The following KHDRBS2 variants were observed in gnomAD, a reference collection of about 807,000 sequenced individuals.
KHDRBS2 encodes the protein KH domain-containing, RNA-binding, signal transduction-associated protein 2.
Under a neutral mutation model 44.3 loss-of-function variants are expected in KHDRBS2, and 26 were observed. The observed-to-expected ratio is 0.59, with a 90% CI of 0.43 to 0.81. The LOEUF (loss-of-function observed/expected upper bound fraction) is 0.81. Among genes scored for constraint, KHDRBS2 ranks in the 40% least tolerant of loss-of-function variants. The pLI is 0.00. For missense variants in KHDRBS2, 476 were observed against 433.1 expected, an observed-to-expected ratio of 1.10 and a Z score of -0.88; for synonymous variants, 194 against 151.1, an observed-to-expected ratio of 1.28 and a Z score of -2.08.
intron 1 of KHDRBS2, among the ~76,000 whole-genome samples, chr6:62,264,415 G>A (rs1457406786): frequency 2.0e-5 from 3 of 151,586 alleles, no homozygotes; most frequent in East Asian, 1.9e-4. Context: ...CTATGTACTC[G>A]AATATAGCAG....
chr6:61,733,618 A>G (rs1475843055), intron 6 of KHDRBS2, among the ~76,000 whole-genome samples: 1 of 151,340 alleles, frequency 6.6e-6, no homozygotes, highest in East Asian at 1.9e-4. Flanking sequence ...AAAAAAAAAG[A>G]CTTTGTGTAC....
chr6:62,198,041 A>G (rs1319300468), intron 1 of KHDRBS2, among the ~76,000 whole-genome samples: 1 of 152,194 alleles, frequency 6.6e-6, no homozygotes, highest in Non-Finnish European at 1.5e-5. Flanking sequence ...GAAACCAATG[A>G]GAACAAAGAC....
chr6:61,942,478 G>GA (rs1276857382), intron 4 of KHDRBS2, among the ~76,000 whole-genome samples: 2 of 151,976 alleles, frequency 1.3e-5, no homozygotes, highest in Non-Finnish European at 2.9e-5. Flanking sequence ...AGATTAAGCA[G>GA]AAAATGAATG....
At chr6:61,653,955 C>G in the KHDRBS2 span, among the ~76,000 whole-genome samples, 1 of 151,940 alleles carries the variant, frequency 6.6e-6, no homozygotes, top group Non-Finnish European at 1.5e-5. Flanking sequence ...ACACACAACC[C>G]TACTTTGGCA....
intron 6 of KHDRBS2, among the ~76,000 whole-genome samples, chr6:61,844,038 T>C (rs1480748276): frequency 1.3e-5 from 2 of 152,214 alleles, no homozygotes; most frequent in Admixed American, 1.3e-4. Flanking sequence ...TTTTAAAATT[T>C]ATCCTATTGC....
intron 3 of KHDRBS2, among the ~76,000 whole-genome samples, chr6:62,030,688 T>A (rs1194237819): frequency 6.6e-6 from 1 of 152,106 alleles, no homozygotes; most frequent in East Asian, 1.9e-4. Flanking sequence ...ACATTAGTAC[T>A]TTCTAACTTT....
At chr6:61,607,779 C>T in the KHDRBS2 span, among the ~76,000 whole-genome samples, 2 of 152,092 alleles carry the variant, frequency 1.3e-5, no homozygotes, top group African/African-American at 2.4e-5. Flanking sequence ...CCTCCACCTC[C>T]TGGGCTCAAG....
the KHDRBS2 span, among the ~76,000 whole-genome samples, chr6:61,554,283 T>C: frequency 3.7e-4 from 57 of 152,170 alleles, 1 homozygote; most frequent in Admixed American, 3.7e-3. Context: ...TTTAAAATCT[T>C]TGTTGGTTTA....
chr6:62,160,307 G>A (rs975531876), intron 2 of KHDRBS2, among the ~76,000 whole-genome samples: 11 of 152,084 alleles, frequency 7.2e-5, no homozygotes, highest in East Asian at 1.9e-4. Context: ...CTTGAGTAGC[G>A]ATGGATGAAG....
rs114462029 is a variant in KHDRBS2, at chr6:62,228,097, G to A, written c.92-50785C>T. Reference sequence around the variant, plus strand: ...GTTTGTAATAATTTCAGAAAAAAATGGTACCAGCTCCTCTTTGTACCCCTG... The same window carrying A: ...GTTTGTAATAATTTCAGAAAAAAATAGTACCAGCTCCTCTTTGTACCCCTG... On this transcript the variant is annotated intron_variant, in intron 1 of 8. Coordinates refer to ENST00000281156, the MANE Select transcript of KHDRBS2 (RefSeq NM_152688.4). Among the ~76,000 whole-genome samples, 1,030 of 152,164 alleles carry A rather than the reference G, an allele frequency of 6.8e-3. 5 individuals carry two copies. The highest frequency in any genetic ancestry group is 0.01 in the Non-Finnish European group (695 of 67,998).
At chr6:62,067,823 A>T (rs1363105219) in intron 2 of KHDRBS2, among the ~76,000 whole-genome samples, 1 of 151,546 alleles carries the variant, frequency 6.6e-6, no homozygotes, top group East Asian at 2.0e-4. Context: ...TTTTATTTAA[A>T]TACGGTCGTA....
At chr6:62,135,055 G>A (rs1420387048) in intron 2 of KHDRBS2, among the ~76,000 whole-genome samples, 1 of 152,174 alleles carries the variant, frequency 6.6e-6, no homozygotes, top group Non-Finnish European at 1.5e-5. Flanking sequence ...ATGAGGACAT[G>A]AGATTTGGGA....
At chr6:61,876,603 A>G (rs1207244156) in intron 6 of KHDRBS2, among the ~76,000 whole-genome samples, 1 of 152,010 alleles carries the variant, frequency 6.6e-6, no homozygotes, top group Non-Finnish European at 1.5e-5. Context: ...TGAAAATGAG[A>G]TTGTTTTCTC....
chr6:62,248,420 G>A (rs775315829), intron 1 of KHDRBS2, among the ~76,000 whole-genome samples: 10 of 151,672 alleles, frequency 6.6e-5, no homozygotes, highest in African/African-American at 9.7e-5. Context: ...GTACAGTGGT[G>A]CAATCTCAGC....
rs754772313 is a variant in KHDRBS2, at chr6:61,732,687, T to A, written c.888A>T (p.Thr296=). The change falls in exon 7 of 9, where the codon ACA becomes ACT. Residue 296 remains threonine, a synonymous_variant. Transcript: ENST00000281156. ...ETYDNSYATQ[T]QSVPEYYDYG... is the part of the protein sequence containing the mutation. ...TTAGATAGCAAATGCCTTACCTTTG[T>A]GTTTGGGTCGCATAGCTGTTATCAT... 6.3e-7 allele frequency: 1 copy of A among 1,597,926 alleles called. No homozygotes were observed. The highest frequency in any genetic ancestry group is 1.1e-5 in the South Asian group (1 of 90,686).
intron 2 of KHDRBS2, among the ~76,000 whole-genome samples, chr6:62,150,659 A>G (rs1171746252): frequency 1.3e-5 from 2 of 152,194 alleles, no homozygotes. Context: ...CAACTTTCGA[A>G]GCACCCAAAT....
intron 2 of KHDRBS2, among the ~76,000 whole-genome samples, chr6:62,069,932 A>G (rs1189564993): frequency 2.0e-5 from 3 of 151,882 alleles, no homozygotes; most frequent in South Asian, 4.1e-4. Flanking sequence ...CATTTTATGC[A>G]TTGATGGATA....
intron 3 of KHDRBS2, 122 bp downstream of exon 3, chr6:62,047,756 T>A: frequency 5.8e-6 from 4 of 694,476 alleles, no homozygotes; most frequent in Non-Finnish European, 7.9e-6. Context: ...CACAGGGTGA[T>A]CCCAGGAAAT....
At chr6:62,036,386 A>G (rs1413780190) in intron 3 of KHDRBS2, among the ~76,000 whole-genome samples, 4 of 151,946 alleles carry the variant, frequency 2.6e-5, no homozygotes, top group African/African-American at 9.7e-5. Flanking sequence ...TACAGGGCCT[A>G]TTTGAGGGTG....
Sources: gnomAD v4.1 joint callset for allele counts (sites outside exome capture counted in the v4.1 genomes callset) on GRCh38, gnomAD v4.1.1 for gene constraint, MANE v1.5 for transcripts, NCBI Gene and HGNC (gene_info 2026-07-23, HGNC 2026-07-21) for gene names.